Variants in MRPL46 observed in about 807,000 individuals in gnomAD.
The protein encoded by MRPL46 is large ribosomal subunit protein mL46.
Under a neutral mutation model 31.0 loss-of-function variants are expected in MRPL46, and 26 were observed. That is an observed-to-expected ratio of 0.84 (90% CI 0.61 to 1.16). The LOEUF is 1.16. Ranked by LOEUF, MRPL46 falls within the 50% of genes most tolerant of loss-of-function variation. The pLI is 0.00. For missense variants in MRPL46, 395 were observed against 340.0 expected, an observed-to-expected ratio of 1.16 and a Z score of -1.27; for synonymous variants, 159 against 141.3, an observed-to-expected ratio of 1.13 and a Z score of -0.89.
chr15:88,462,119 ATTT>A (rs1258459571), intron 3 of MRPL46: 1 of 152,066 alleles, frequency 6.6e-6, no homozygotes, highest in African/African-American at 2.4e-5. Flanking sequence ...GACACCGATA[ATTT>A]TTTTACCACA....
intron 1 of MRPL46, among the ~76,000 whole-genome samples, chr15:88,466,784 A>G (rs2055541478): frequency 6.6e-6 from 1 of 152,156 alleles, no homozygotes; most frequent in African/African-American, 2.4e-5. Context: ...GGCTTATCAT[A>G]GGCATCTGAC....
Position 88,459,767 on chromosome 15 carries a change from G to A in MRPL46, c.686C>T (p.Ala229Val). Residue 229 changes from alanine to valine, a missense_variant, in exon 4 of 4, where the codon GCC becomes GTC. By Grantham distance (64) the Ala-to-Val change is moderately conservative. Coordinates refer to ENST00000312475, the MANE Select transcript of MRPL46 (RefSeq NM_022163.4). ...CAGTGCTTTGAAGAAGAACACCTTG[G>A]CTCCGAGGTTACTCTCTGTCCGCAT... ...QAMRTESNLG[A>V]KVFFFKALLL... 3 of 1,614,192 alleles carry A rather than the reference G, an allele frequency of 1.9e-6. No individual in the cohort carries two copies. The highest frequency in any genetic ancestry group is 2.5e-6 in the Non-Finnish European group (3 of 1,180,046).
In MRPL46 at chr15:88,467,168, C is replaced by T. The variant is rs1457148803; in HGVS notation, c.210G>A (p.Met70Ile). ...SKPLTPLQEE[M>I]ASLLQQIEIE... Reference sequence around the variant, plus strand: ...GTCCCACCTGCTGCAGTAGAGACGCCATCTCTTCCTGCAATGGGGTCAACG... The same window carrying T: ...GTCCCACCTGCTGCAGTAGAGACGCTATCTCTTCCTGCAATGGGGTCAACG... Residue 70 changes from methionine (M) to isoleucine (I), a missense_variant, in exon 1 of 4, where the codon ATG becomes ATA. Met to Ile is a conservative substitution (Grantham distance 10). Transcript: ENST00000312475. 34 of 1,613,912 alleles carry T rather than the reference C, an allele frequency of 2.1e-5. No homozygotes were observed. Among genetic ancestry groups the T allele is most frequent in the Non-Finnish European group, 2.9e-5 (34 of 1,179,922 alleles).
chr15:88,464,068 A>G (rs923747699), intron 3 of MRPL46: 6 of 152,440 alleles, frequency 3.9e-5, no homozygotes, highest in African/African-American at 1.4e-4. Context: ...GGCCATGTCT[A>G]GAGATATTTT....
At position 88,463,994 on chromosome 15, in the gene MRPL46, A is replaced by T. The variant is rs1391233797; in HGVS notation, c.589+709T>A. On this transcript the variant is annotated intron_variant, in intron 3 of 3. Coordinates refer to ENST00000312475, the MANE Select transcript of MRPL46 (RefSeq NM_022163.4). This position sits in a 1 kb window ranked among gnomAD's most constrained non-coding sequence, Gnocchi z 5.4. ...AAAACCAAGGTTAAACTTACTGGGC[A>T]TCTAATTCAATAGCTCAGTATAGTA... 2.0e-5 allele frequency: 3 copies of T among 152,256 alleles called. No homozygotes were observed. Among genetic ancestry groups the T allele is most frequent in the Non-Finnish European group, 4.4e-5 (3 of 68,064 alleles). 9.4% of individuals were successfully genotyped at this position (152,256 alleles called of 1,614,324 possible). A position where few individuals can be genotyped will look rare whatever the true frequency, so the allele number is the denominator to read the frequency against.
At chr15:88,464,968 A>G (rs2055510325) in intron 2 of MRPL46, 92 bp from the exon 3 acceptor site, 1 of 1,444,380 alleles carries the variant, frequency 6.9e-7, no homozygotes, top group Non-Finnish European at 9.4e-7. Context: ...AAGATCCACA[A>G]TCCTTGCCCT....
Position 88,459,517 on chromosome 15 carries a change from GC to G in MRPL46, c.*95del. 1 of 1,538,198 alleles carries G rather than the reference GC, an allele frequency of 6.5e-7. No homozygotes were observed. The highest frequency in any genetic ancestry group is 1.2e-5 in the South Asian group (1 of 81,532). On this transcript the variant is annotated 3_prime_UTR_variant, in exon 4 of 4. Coordinates refer to ENST00000312475, the MANE Select transcript of MRPL46 (RefSeq NM_022163.4). ...TTTATTTCTCAGAATTTAGTTTGCT[GC>G]TTGATATTACCTGCAAATGTGAGGC...
chr15:88,466,853 T>C (rs2055542589), intron 1 of MRPL46, among the ~76,000 whole-genome samples: 1 of 152,138 alleles, frequency 6.6e-6, no homozygotes, highest in Admixed American at 6.6e-5. Flanking sequence ...ACAAAGACTT[T>C]CTCCCTCCAG....
In MRPL46 at chr15:88,464,775, G is replaced by C. The variant is rs1215733723; in HGVS notation, c.517C>G (p.Leu173Val). ...CCAGGCTGCCACTCTGCCTGGGGCA[G>C]TATCCAAACATCCTGGTCTCCAAAC... ...EKFGDQDVWI[L>V]PQAEWQPGET... Residue 173 changes from leucine (L) to valine (V), a missense_variant, in exon 3 of 4, where the codon CTG (leucine) becomes GTG (valine). Leu to Val is a conservative substitution (Grantham distance 32). Coordinates refer to ENST00000312475, the MANE Select transcript of MRPL46 (RefSeq NM_022163.4). 6.2e-7 allele frequency: 1 copy of C among 1,614,170 alleles called. No individual in the cohort carries two copies. Among genetic ancestry groups the C allele is most frequent in the East Asian group, 2.2e-5 (1 of 44,880 alleles).
chr15:88,459,676 C>T lies in MRPL46; in HGVS notation c.777G>A (p.Glu259=), dbSNP rs1349002896. 3 of 1,614,058 alleles carry T rather than the reference C, an allele frequency of 1.9e-6. No individual in the cohort carries two copies. Among genetic ancestry groups the T allele is most frequent in the Admixed American group, 1.7e-5 (1 of 60,006 alleles). Residue 259 remains glutamate (E), a synonymous_variant, in exon 4 of 4, where the codon GAG becomes GAA. Transcript: ENST00000312475. ...KGHHVWVTKD[E]LGDYLKPKYL... ...ATTTTGGTTTCAAATAGTCACCCAG[C>T]TCATCCTTAGTGACCCACACATGAT...
At chr15:88,462,574 C>A (rs995674442) in intron 3 of MRPL46, 2 of 152,154 alleles carry the variant, frequency 1.3e-5, no homozygotes, top group Non-Finnish European at 2.9e-5. Context: ...GAGGTTTAGA[C>A]AAAGAGGCAC....
At chr15:88,460,214 C>T (rs565256348) in intron 3 of MRPL46, 10 of 247,774 alleles carry the variant, frequency 4.0e-5, no homozygotes, top group East Asian at 9.7e-5. Context: ...GCTATGCTGG[C>T]GAATCAGCCC....
In MRPL46 at chr15:88,459,479, A is replaced by G. The variant is rs745943046; in HGVS notation, c.*134T>C. On this transcript the variant is annotated 3_prime_UTR_variant, in exon 4 of 4. Transcript: ENST00000312475. ...AGGGCAAATCAGCTGAGACCAACACAGTAATAGACTCGTTTATTTCTCAGA... is the reference window on the plus strand; with the variant it reads ...AGGGCAAATCAGCTGAGACCAACACGGTAATAGACTCGTTTATTTCTCAGA... 30 of 1,357,514 alleles carry G rather than the reference A, an allele frequency of 2.2e-5. No individual in the cohort carries two copies. The highest frequency in any genetic ancestry group is 2.9e-5 in the Non-Finnish European group (29 of 995,614). The allele number at this position is 1,357,514 out of a possible 1,614,324, so 84.1% of individuals were successfully genotyped here.
intron 3 of MRPL46, chr15:88,461,617 T>C (rs1456037864): frequency 6.6e-6 from 1 of 152,252 alleles, no homozygotes; most frequent in Non-Finnish European, 1.5e-5. Flanking sequence ...GGAAAAAACC[T>C]GTACTTTCAC....
rs1157823570 is a variant in MRPL46, at chr15:88,464,814, A to G, written c.478T>C (p.Leu160=). The change falls in exon 3 of 4, where the codon TTA becomes CTA. Residue 160 remains leucine (L), a synonymous_variant. Transcript: ENST00000312475. ...TGGTCTCCAAACTTCTCTCTGACTA[A>G]CAGGACAAGGTTCCTGTCTAGCTTC... is the stretch of plus-strand genomic sequence containing the variant. The part of the protein sequence containing the change: ...NRKLDRNLVL[L]VREKFGDQDV... The G allele has an allele frequency of 1.9e-6, 3 of 1,614,146 alleles. No homozygotes were observed.
chr15:88,467,258 G>A lies in MRPL46; in HGVS notation c.120C>T (p.Ser40=), dbSNP rs916728715. The A allele has an allele frequency of 1.2e-6, 2 of 1,614,052 alleles. No homozygotes were observed. The highest frequency in any genetic ancestry group is 1.7e-6 in the Non-Finnish European group (2 of 1,179,986). ...CCAACAAGCGCCATGGGGATCCGTTGCTTGAGGGTGCGGCTGCAAGAGCCA... is the reference window on the plus strand; with the variant it reads ...CCAACAAGCGCCATGGGGATCCGTTACTTGAGGGTGCGGCTGCAAGAGCCA... The part of the protein sequence containing the change: ...RSLALAAAPS[S]NGSPWRLLGA... Residue 40 remains serine (S), a synonymous_variant, in exon 1 of 4, where the codon AGC becomes AGT. Transcript: ENST00000312475.
chr15:88,465,175 T>G (rs896117705), intron 2 of MRPL46: 4 of 415,234 alleles, frequency 9.6e-6, no homozygotes, highest in Non-Finnish European at 1.7e-5. Context: ...TTCATTGGTT[T>G]TGATACTATT....
In MRPL46 at chr15:88,467,361, CT is replaced by C; in HGVS notation, c.16del (p.Arg6GlyfsTer5). On this transcript the variant is annotated frameshift_variant, in exon 1 of 4. Transcript: ENST00000312475. LOFTEE classifies it high-confidence loss of function. The part of the protein sequence containing the change: MAAPV[R>X]RTLLGVAGGW... ...CCCCGCCACCCCTAACAGCGTCCGCCTTACGGGCGCCGCCATCTTTCGTTCT... is the reference window on the plus strand; with the variant it reads ...CCCCGCCACCCCTAACAGCGTCCGCCTACGGGCGCCGCCATCTTTCGTTCT... 6.3e-7 allele frequency: 1 copy of C among 1,581,628 alleles called. No individual in the cohort carries two copies. The highest frequency in any genetic ancestry group is 8.6e-7 in the Non-Finnish European group (1 of 1,163,200).
In MRPL46 at chr15:88,463,555, G is replaced by T. The variant is rs569548430; in HGVS notation, c.589+1148C>A. 6.6e-6 allele frequency: 1 copy of T among 152,270 alleles called. No individual in the cohort carries two copies. Among genetic ancestry groups the T allele is most frequent in the African/African-American group, 2.4e-5 (1 of 41,546 alleles). 9.4% of individuals were successfully genotyped at this position (152,270 alleles called of 1,614,324 possible). A position where few individuals can be genotyped will look rare whatever the true frequency, so the allele number is the denominator to read the frequency against. On this transcript the variant is annotated intron_variant, in intron 3 of 3. Coordinates refer to ENST00000312475, the MANE Select transcript of MRPL46 (RefSeq NM_022163.4). This position sits in a 1 kb window ranked among gnomAD's most constrained non-coding sequence, Gnocchi z 5.4. ...ATGTCTGTTGCATAAATGGAATAAG[G>T]ACACACACCAGTGCTACGGGAGCCT...
Sources: allele counts gnomAD v4.1 joint callset (sites outside exome capture counted in the v4.1 genomes callset), GRCh38; gene constraint gnomAD v4.1.1; non-coding constraint Gnocchi (gnomAD v3.1); transcripts MANE v1.5; gene names NCBI Gene and HGNC (gene_info 2026-07-23, HGNC 2026-07-21).